Variants in TMEM132D observed in about 807,000 individuals in gnomAD.
TMEM132D encodes the protein transmembrane protein 132D.
TMEM132D carries 21 observed loss-of-function variants against 62.3 expected under a neutral mutation model. The observed-to-expected ratio is 0.34, with a 90% CI of 0.24 to 0.49. TMEM132D has a LOEUF of 0.49. Among genes scored for constraint, TMEM132D ranks in the 20% least tolerant of loss-of-function variants. The probability of loss-of-function intolerance (pLI) is 0.99; values close to 1 mark genes in which losing one functional copy is unlikely to be tolerated. For missense variants in TMEM132D, 1,346 were observed against 1,402.8 expected (o/e 0.96, Z 0.65); for synonymous variants, 621 against 575.6 (o/e 1.08, Z -1.13).
chr12:129,513,625 C>T (rs1323972448), intron 3 of TMEM132D, among the ~76,000 whole-genome samples: 3 of 150,256 alleles, frequency 2.0e-5, no homozygotes, highest in Admixed American at 6.7e-5. Flanking sequence ...GCTGGGACTA[C>T]AGGCACCCAC....
chr12:129,517,293 A>G (rs1593047393), intron 3 of TMEM132D, among the ~76,000 whole-genome samples: 1 of 152,306 alleles, frequency 6.6e-6, no homozygotes, highest in South Asian at 2.1e-4. Flanking sequence ...AGGAGAATCA[A>G]GTTGGTTAAA....
chr12:129,137,787 CTGCTAAAGATGG>C (rs1363330494), intron 5 of TMEM132D, among the ~76,000 whole-genome samples: 5 of 152,200 alleles, frequency 3.3e-5, no homozygotes, highest in Non-Finnish European at 7.3e-5. Flanking sequence ...GAAAACCAAC[CTGCTAAAGATGG>C]TGCTGCAGAG....
chr12:129,278,673 G>A (rs533249908), intron 4 of TMEM132D, among the ~76,000 whole-genome samples: 1 of 152,278 alleles, frequency 6.6e-6, no homozygotes, highest in Non-Finnish European at 1.5e-5. Context: ...TTGGCTCTGG[G>A]AGGAATAAAG....
chr12:129,606,195 C>A (rs547449060), intron 2 of TMEM132D, among the ~76,000 whole-genome samples: 12 of 152,298 alleles, frequency 7.9e-5, no homozygotes, highest in African/African-American at 2.4e-4. Flanking sequence ...GGAACCCTAG[C>A]TGTGATAGTC....
At chr12:129,290,890 C>A (rs1259060531) in intron 4 of TMEM132D, among the ~76,000 whole-genome samples, 1 of 152,192 alleles carries the variant, frequency 6.6e-6, no homozygotes, top group African/African-American at 2.4e-5. Context: ...AATGAAGTTG[C>A]ATTTTCCCAG....
intron 1 of TMEM132D, among the ~76,000 whole-genome samples, chr12:129,794,071 T>C (rs1871481292): frequency 7.7e-6 from 1 of 130,132 alleles, no homozygotes; most frequent in Non-Finnish European, 1.7e-5. Context: ...TTTTTAAGTG[T>C]ATGGGTTTTT....
At chr12:129,481,867 C>A (rs1330518199) in intron 3 of TMEM132D, among the ~76,000 whole-genome samples, 1 of 151,958 alleles carries the variant, frequency 6.6e-6, no homozygotes, top group Non-Finnish European at 1.5e-5. Context: ...CCCTCCCAGG[C>A]ACCCCCACCA....
chr12:129,675,775 C>T (rs905966828), intron 2 of TMEM132D, among the ~76,000 whole-genome samples: 1 of 152,142 alleles, frequency 6.6e-6, no homozygotes, highest in East Asian at 1.9e-4. Context: ...TCCAAACACA[C>T]CCACACACAG....
At chr12:129,312,255 G>A (rs1359483103) in intron 4 of TMEM132D, among the ~76,000 whole-genome samples, 1 of 152,184 alleles carries the variant, frequency 6.6e-6, no homozygotes, top group Admixed American at 6.5e-5. Flanking sequence ...TCAGCACCAC[G>A]GAGAACTCCT....
intron 1 of TMEM132D, among the ~76,000 whole-genome samples, chr12:129,715,836 G>A (rs895378045): frequency 1.3e-5 from 2 of 152,232 alleles, no homozygotes; most frequent in African/African-American, 2.4e-5. Context: ...AAGTGTCCAA[G>A]CCTAGGCTAT....
In TMEM132D at chr12:129,903,392, A is replaced by C. The variant is rs746937079; in HGVS notation, c.-53T>G. ...GCTCCCCGGCGCCGTCCAGGCGAAC[A>C]AGAGACCGTCTCAGTCCCCTAGAGG... On this transcript the variant is annotated 5_prime_UTR_variant, in exon 1 of 9. Transcript: ENST00000422113. The surrounding 1 kb of genome is among the most constrained non-coding windows in gnomAD (Gnocchi z 6.2). The C allele has an allele frequency of 3.8e-4, 590 of 1,536,868 alleles. No individual in the cohort carries two copies. Among genetic ancestry groups the C allele is most frequent in the Non-Finnish European group, 4.9e-4 (559 of 1,134,426 alleles).
At chr12:129,185,761 A>ATTTGTCTGTCTGTCTG (rs1555235276) in intron 5 of TMEM132D, among the ~76,000 whole-genome samples, 2 of 140,800 alleles carry the variant, frequency 1.4e-5, no homozygotes, top group South Asian at 2.4e-4. Context: ...TTTATCCATC[A>ATTTGTCTGTCTGTCTG]TCTGTCTGTC....
intron 2 of TMEM132D, among the ~76,000 whole-genome samples, chr12:129,582,168 C>T (rs1018557281): frequency 2.6e-5 from 4 of 152,210 alleles, no homozygotes; most frequent in Non-Finnish European, 5.9e-5. Flanking sequence ...TCCACATGGC[C>T]GATCCCATGT....
At position 129,281,830 on chromosome 12, in the gene TMEM132D, CCCTCAAACCT is replaced by C. The variant is rs374791018; in HGVS notation, c.1299+55794_1299+55803del. ...TGGTATTACCTGGGAGGTTATGGCT[CCCTCAAACCT>C]CCTCAAACTACCGCCAAAGCCTGGT... On this transcript the variant is annotated intron_variant, in intron 4 of 8. Coordinates refer to ENST00000422113, the MANE Select transcript of TMEM132D (RefSeq NM_133448.3). Among the ~76,000 whole-genome samples, 1,287 of 152,256 alleles carry C rather than the reference CCCTCAAACCT, an allele frequency of 8.5e-3. 13 individuals are homozygous for C. The highest frequency in any genetic ancestry group is 0.027 in the African/African-American group (1,113 of 41,526).
intron 8 of TMEM132D, among the ~76,000 whole-genome samples, chr12:129,078,089 C>CA (rs1366694361): frequency 2.4e-4 from 37 of 152,354 alleles, no homozygotes; most frequent in African/African-American, 8.4e-4. Flanking sequence ...ACAGGCTCCC[C>CA]ACTCAGCAGG....
Position 129,073,615 on chromosome 12 carries a change from G to C in TMEM132D, c.*260C>G. 1 of 385,416 alleles carries C rather than the reference G, an allele frequency of 2.6e-6. No individual in the cohort carries two copies. The highest frequency in any genetic ancestry group is 4.6e-6 in the Non-Finnish European group (1 of 216,732). 23.9% of individuals were successfully genotyped at this position (385,416 alleles called of 1,614,324 possible). A position where few individuals can be genotyped will look rare whatever the true frequency, so the allele number is the denominator to read the frequency against. On this transcript the variant is annotated 3_prime_UTR_variant, in exon 9 of 9. Transcript: ENST00000422113. ...ACGCTCTCAGACGCTCAGTGATTCAGAACTCGTTTTTGTTTCAAGTCTTAA... is the reference window on the plus strand; with the variant it reads ...ACGCTCTCAGACGCTCAGTGATTCACAACTCGTTTTTGTTTCAAGTCTTAA...
chr12:129,811,653 G>A (rs1317457605), intron 1 of TMEM132D, among the ~76,000 whole-genome samples: 1 of 151,800 alleles, frequency 6.6e-6, no homozygotes, highest in Non-Finnish European at 1.5e-5. Context: ...CCGAAGAGCT[G>A]AACTTAAAAT....
intron 5 of TMEM132D, among the ~76,000 whole-genome samples, chr12:129,144,920 A>G (rs1876848141): frequency 6.6e-6 from 1 of 151,912 alleles, no homozygotes; most frequent in South Asian, 2.1e-4. Context: ...CTATCTATCT[A>G]TCTATCTACC....
chr12:129,219,002 G>A (rs962450409), intron 4 of TMEM132D, among the ~76,000 whole-genome samples: 8 of 152,138 alleles, frequency 5.3e-5, no homozygotes, highest in African/African-American at 9.7e-5. Flanking sequence ...AGGTTTCCCC[G>A]GGTGTGTAAA....
Sources: gnomAD v4.1 joint callset for allele counts (sites outside exome capture counted in the v4.1 genomes callset) on GRCh38, gnomAD v4.1.1 for gene constraint, Gnocchi (gnomAD v3.1) non-coding constraint, MANE v1.5 for transcripts, NCBI Gene and HGNC (gene_info 2026-07-23, HGNC 2026-07-21) for gene names.